ZNRF1: variants seen among roughly 807,000 people sequenced by gnomAD.
The protein encoded by ZNRF1 is zinc and ring finger 1.
In ZNRF1, 3 loss-of-function variants were observed where a neutral mutation model predicts 18.4. The observed-to-expected ratio is 0.16, with a 90% CI of 0.07 to 0.42. ZNRF1 has a LOEUF of 0.42. Ranked by LOEUF, ZNRF1 falls within the 10% of genes least tolerant of loss-of-function variation. The pLI, the probability that ZNRF1 is intolerant of heterozygous loss-of-function variation, is 0.99. For synonymous variants in ZNRF1, 157 were observed against 144.2 expected (o/e 1.09, Z -0.64); for missense variants, 310 against 329.8 (o/e 0.94, Z 0.47).
chr16:75,040,559 G>C (rs1480738087), intron 1 of ZNRF1, among the ~76,000 whole-genome samples: 2 of 142,028 alleles, frequency 1.4e-5, no homozygotes, highest in Non-Finnish European at 3.1e-5. Context: ...TCTGTTTGGT[G>C]TCCTTCACTC....
intron 2 of ZNRF1, among the ~76,000 whole-genome samples, chr16:75,094,249 G>A (rs1459538644): frequency 1.3e-5 from 2 of 152,184 alleles, no homozygotes; most frequent in Admixed American, 6.5e-5. Context: ...ATGCGGATAG[G>A]ACACCTTGCT....
chr16:75,035,321 G>T (rs935389042), intron 1 of ZNRF1, among the ~76,000 whole-genome samples: 6 of 152,158 alleles, frequency 3.9e-5, no homozygotes, highest in African/African-American at 1.4e-4. Context: ...GGCGTGAGCC[G>T]CTGCACTGGG....
intron 1 of ZNRF1, among the ~76,000 whole-genome samples, chr16:75,061,035 G>A (rs1480717155): frequency 6.6e-6 from 1 of 152,164 alleles, no homozygotes; most frequent in East Asian, 1.9e-4. Flanking sequence ...TGGGTACATA[G>A]TAGGTATGCA....
At chr16:75,020,031 T>G (rs1340250036) in intron 1 of ZNRF1, among the ~76,000 whole-genome samples, 1 of 152,120 alleles carries the variant, frequency 6.6e-6, no homozygotes, top group Non-Finnish European at 1.5e-5. Flanking sequence ...GATTTAACAA[T>G]TCCAGAGAGA....
At position 75,108,574 on chromosome 16, in the gene ZNRF1, A is replaced by T. The variant is rs1262460318; in HGVS notation, c.*874A>T. 1 of 398,726 alleles carries T rather than the reference A, an allele frequency of 2.5e-6. No homozygotes were observed. The highest frequency in any genetic ancestry group is 4.4e-6 in the Non-Finnish European group (1 of 226,060). 24.7% of individuals were successfully genotyped at this position (398,726 alleles called of 1,614,324 possible). A position where few individuals can be genotyped will look rare whatever the true frequency, so the allele number is the denominator to read the frequency against. On this transcript the variant is annotated 3_prime_UTR_variant, in exon 5 of 5. Coordinates refer to ENST00000335325, the MANE Select transcript of ZNRF1 (RefSeq NM_032268.5). The stretch of plus-strand genomic sequence containing the variant: ...CACACGTGGCATCAGCCCATGCAAG[A>T]TAGGTTTCTGTATTTATATATTAAA...
At chr16:75,011,130 C>T (rs1401932504) in intron 1 of ZNRF1, among the ~76,000 whole-genome samples, 2 of 152,144 alleles carry the variant, frequency 1.3e-5, no homozygotes, top group Non-Finnish European at 2.9e-5. Flanking sequence ...ATTTTGTTTC[C>T]ATCTTAAATA....
At chr16:75,027,661 C>T (rs926625620) in intron 1 of ZNRF1, among the ~76,000 whole-genome samples, 3 of 152,156 alleles carry the variant, frequency 2.0e-5, no homozygotes, top group African/African-American at 7.2e-5. Flanking sequence ...ACTACACTCT[C>T]AATCCTCTTC....
chr16:75,100,715 C>T (rs1246295559), intron 2 of ZNRF1, among the ~76,000 whole-genome samples: 2 of 152,130 alleles, frequency 1.3e-5, no homozygotes, highest in African/African-American at 4.8e-5. Flanking sequence ...GGAAATCCTC[C>T]TTAAGTATGG....
At chr16:75,106,294 T>C in intron 3 of ZNRF1, 188 bp from the exon 4 acceptor site, 1 of 611,310 alleles carries the variant, frequency 1.6e-6, no homozygotes, top group Non-Finnish European at 2.9e-6. Flanking sequence ...CCAAGACTAG[T>C]CTTGGTGTTC....
At chr16:75,103,782 C>T (rs1026748788) in intron 2 of ZNRF1, among the ~76,000 whole-genome samples, 13 of 151,970 alleles carry the variant, frequency 8.6e-5, no homozygotes, top group Admixed American at 5.2e-4. Flanking sequence ...GTCAGGAGTT[C>T]GAGACCAGCC....
intron 1 of ZNRF1, among the ~76,000 whole-genome samples, chr16:75,028,905 T>C (rs1457934878): frequency 6.6e-6 from 1 of 152,366 alleles, no homozygotes; most frequent in East Asian, 1.9e-4. Context: ...TCATTGGTTT[T>C]ATCTCCTTTG....
At chr16:75,044,653 C>G (rs2035491480) in intron 1 of ZNRF1, among the ~76,000 whole-genome samples, 1 of 152,128 alleles carries the variant, frequency 6.6e-6, no homozygotes, top group Non-Finnish European at 1.5e-5. Context: ...AGCCACCATA[C>G]CCAGCCCAAG....
chr16:75,084,876 T>A (rs1277223192), intron 1 of ZNRF1, among the ~76,000 whole-genome samples: 3 of 152,238 alleles, frequency 2.0e-5, no homozygotes, highest in Non-Finnish European at 4.4e-5. Flanking sequence ...TCAATGTTTA[T>A]TAAAATTTCA....
At chr16:75,071,786 T>G (rs1271450461) in intron 1 of ZNRF1, among the ~76,000 whole-genome samples, 6 of 152,108 alleles carry the variant, frequency 3.9e-5, no homozygotes, top group Admixed American at 2.0e-4. Context: ...ACCTTTCTGA[T>G]CCAACCACAT....
chr16:75,016,449 A>T (rs1597859361), intron 1 of ZNRF1, among the ~76,000 whole-genome samples: 1 of 151,894 alleles, frequency 6.6e-6, no homozygotes, highest in Non-Finnish European at 1.5e-5. Flanking sequence ...CATGTTGGCC[A>T]GGCTGGTCTT....
At chr16:75,049,445 G>A (rs1268220435) in intron 1 of ZNRF1, among the ~76,000 whole-genome samples, 1 of 151,988 alleles carries the variant, frequency 6.6e-6, no homozygotes, top group African/African-American at 2.4e-5. Flanking sequence ...TCCTGCCTCA[G>A]CCTCCCGAGC....
intron 1 of ZNRF1, among the ~76,000 whole-genome samples, chr16:75,017,304 A>C (rs1245302351): frequency 6.6e-6 from 1 of 152,232 alleles, no homozygotes; most frequent in Non-Finnish European, 1.5e-5. Flanking sequence ...CCATTTTTGT[A>C]AATTTGGGCT....
intron 1 of ZNRF1, among the ~76,000 whole-genome samples, chr16:75,002,864 G>A (rs906142659): frequency 4.6e-5 from 7 of 152,140 alleles, no homozygotes; most frequent in South Asian, 4.2e-4. Flanking sequence ...TTCTTCACAC[G>A]AATTTCTCTT....
At chr16:75,048,069 C>T (rs2035539369) in intron 1 of ZNRF1, among the ~76,000 whole-genome samples, 1 of 152,042 alleles carries the variant, frequency 6.6e-6, no homozygotes, top group African/African-American at 2.4e-5. Context: ...CCTCCTGCCT[C>T]AGCTTCCCAA....
Sources: gnomAD v4.1 joint callset for allele counts (sites outside exome capture counted in the v4.1 genomes callset) on GRCh38, gnomAD v4.1.1 for gene constraint, MANE v1.5 for transcripts, NCBI Gene and HGNC (gene_info 2026-07-23, HGNC 2026-07-21) for gene names.